The following USP24 variants were observed in gnomAD, a reference collection of about 807,000 sequenced individuals.
The protein encoded by USP24 is ubiquitin specific peptidase 24.
Under a neutral mutation model 361.6 loss-of-function variants are expected in USP24, and 97 were observed. The observed-to-expected ratio is 0.27, with a 90% confidence interval of 0.23 to 0.32. The LOEUF (loss-of-function observed/expected upper bound fraction) is 0.32, where lower values mean the gene tolerates loss of function less well. USP24 is among the 10% of genes least tolerant of loss of function. The pLI is 1.00. For missense variants in USP24, 2,353 were observed against 3,165.6 expected (o/e 0.74, Z 6.16); for synonymous variants, 1,098 against 1,124.6 (o/e 0.98, Z 0.47).
chr1:55,078,160 A>G (rs1199106251), intron 61 of USP24, among the ~76,000 whole-genome samples: 1 of 152,216 alleles, frequency 6.6e-6, no homozygotes, highest in African/African-American at 2.4e-5. Flanking sequence ...ACATAGTGGA[A>G]ATTCATATAA....
intron 1 of USP24, among the ~76,000 whole-genome samples, chr1:55,207,753 G>A (rs1355011072): frequency 2.0e-5 from 3 of 152,148 alleles, no homozygotes; most frequent in Admixed American, 6.5e-5. Context: ...CAACTGTATC[G>A]TATTGCTTAG....
chr1:55,151,435 C>T (rs981649848), intron 16 of USP24, among the ~76,000 whole-genome samples: 2 of 152,128 alleles, frequency 1.3e-5, no homozygotes. Context: ...TCAGCTATGG[C>T]TATGTAAGGC....
intron 45 of USP24, 87 bp from the exon 46 acceptor site, chr1:55,098,645 A>T: frequency 1.0e-6 from 1 of 969,184 alleles, no homozygotes; most frequent in Non-Finnish European, 1.6e-6. Context: ...CAATTTAAGG[A>T]CCAAAACAAA....
intron 16 of USP24, among the ~76,000 whole-genome samples, chr1:55,151,713 G>A (rs1647198252): frequency 6.6e-6 from 1 of 152,154 alleles, no homozygotes; most frequent in African/African-American, 2.4e-5. Context: ...AGCAGCAAAG[G>A]AAAGAGGACC....
chr1:55,174,251 G>A (rs1237939344), intron 3 of USP24, among the ~76,000 whole-genome samples: 5 of 152,102 alleles, frequency 3.3e-5, no homozygotes, highest in Non-Finnish European at 5.9e-5. Flanking sequence ...GGGGAATTGG[G>A]GAGAGGGATG....
rs1260263831 is a variant in USP24, at chr1:55,083,809, G to A, written c.6845C>T (p.Ala2282Val). The A allele has an allele frequency of 1.9e-6, 3 of 1,603,182 alleles. No individual in the cohort carries two copies. The Admixed American group carries it at 5.1e-5, about 27-fold the overall frequency. ...AGTGTTGAACAGGAAAAAGTACTGA[G>A]CACAGTTTTTACAATTTTCTGGGAC... Reference protein sequence around the residue: ...KDVPENCKNCAQYFFLFNTFV... With the variant: ...KDVPENCKNCVQYFFLFNTFV... The change falls in exon 57 of 68, where the codon GCT becomes GTT. Residue 2282 changes from alanine (A) to valine (V), a missense_variant. Ala to Val is a moderately conservative substitution (Grantham distance 64, BLOSUM62 0). Transcript: ENST00000294383.
intron 30 of USP24, among the ~76,000 whole-genome samples, chr1:55,133,492 T>G (rs1011824780): frequency 2.0e-5 from 3 of 152,152 alleles, no homozygotes; most frequent in Admixed American, 2.0e-4. Context: ...CTTCCTAATA[T>G]ATAACATGAG....
chr1:55,159,068 A>G, intron 9 of USP24, 32 bp from the exon 10 acceptor site: 1 of 1,422,350 alleles, frequency 7.0e-7, no homozygotes. Context: ...AAAACAAAAA[A>G]GGAACTGTAA....
intron 12 of USP24, among the ~76,000 whole-genome samples, chr1:55,156,437 G>A (rs1362375513): frequency 3.3e-5 from 5 of 151,490 alleles, no homozygotes; most frequent in Non-Finnish European, 5.9e-5. Context: ...GGGGACTCAA[G>A]GAGCAATGCT....
At chr1:55,157,094 A>G in intron 11 of USP24, 43 bp from the exon 12 acceptor site, 1 of 1,493,170 alleles carries the variant, frequency 6.7e-7, no homozygotes, top group East Asian at 2.3e-5. Context: ...TATAGTGAAC[A>G]CTGACTCTCT....
At chr1:55,082,188 G>C (rs1194271209) in intron 58 of USP24, among the ~76,000 whole-genome samples, 1 of 152,192 alleles carries the variant, frequency 6.6e-6, no homozygotes, top group Non-Finnish European at 1.5e-5. Flanking sequence ...CTCTGGCTTT[G>C]ACACCAGCAG....
chr1:55,123,208 G>C (rs55773934), intron 36 of USP24, among the ~76,000 whole-genome samples: 149 of 152,318 alleles, frequency 9.8e-4, no homozygotes, highest in Non-Finnish European at 1.8e-3. Flanking sequence ...CAAGCTCGTG[G>C]TGTGCAGACA....
At chr1:55,132,833 A>G (rs142669279) in intron 30 of USP24, 133 bp from the exon 31 acceptor site, 1 of 840,386 alleles carries the variant, frequency 1.2e-6, no homozygotes, top group Non-Finnish European at 1.7e-6. Flanking sequence ...CTAAAAATTA[A>G]CTTCATAAAA....
rs1296469248 is a variant in USP24 at position 55,214,955 on chromosome 1, G to A, written c.159C>T (p.Tyr53=). 7.0e-7 allele frequency: 1 copy of A among 1,422,804 alleles called. No homozygotes were observed. The highest frequency in any genetic ancestry group is 9.2e-7 in the Non-Finnish European group (1 of 1,082,714). The allele number at this position is 1,422,804 out of a possible 1,614,324, so 88.1% of individuals were successfully genotyped here. A position where few individuals can be genotyped will look rare whatever the true frequency, so the allele number is the denominator to read the frequency against. The change falls in exon 1 of 68, where the codon TAC becomes TAT. Residue 53 remains tyrosine, a synonymous_variant. Transcript: ENST00000294383. ...NERPGLDYGG[Y]EPMDSGGGPS... ...GGCCACCGCCGCTGTCCATGGGCTCGTAGCCGCCGTAGTCGAGGCCCGGCC... is the reference window on the plus strand; with the variant it reads ...GGCCACCGCCGCTGTCCATGGGCTCATAGCCGCCGTAGTCGAGGCCCGGCC...
At chr1:55,166,451 A>T in intron 6 of USP24, 117 bp downstream of exon 6, 1 of 986,480 alleles carries the variant, frequency 1.0e-6, no homozygotes, top group Non-Finnish European at 1.5e-6. Context: ...TCCACTCCTT[A>T]AAGCATTTTT....
intron 1 of USP24, among the ~76,000 whole-genome samples, chr1:55,214,107 C>CA (rs1267032482): frequency 6.6e-6 from 1 of 152,040 alleles, no homozygotes; most frequent in African/African-American, 2.4e-5. Flanking sequence ...TCTGCCCTCT[C>CA]AGTGCAATCC....
rs764212117 is a variant in USP24 at position 55,129,432 on chromosome 1, T to C, written c.3635+45A>G. 21 of 1,518,578 alleles carry C rather than the reference T, an allele frequency of 1.4e-5. No homozygotes were observed. In the African/African-American group the frequency reaches 2.6e-4, roughly 19 times the overall value. The allele number at this position is 1,518,578 out of a possible 1,614,324, so 94.1% of individuals were successfully genotyped here. A position where few individuals can be genotyped will look rare whatever the true frequency, so the allele number is the denominator to read the frequency against. ...CAGGGGAAATTAACTAAAATAACTATATTCATTTTCGGCAACTCATGTAAC... is the reference window on the plus strand; with the variant it reads ...CAGGGGAAATTAACTAAAATAACTACATTCATTTTCGGCAACTCATGTAAC... On this transcript the variant is annotated intron_variant, in intron 32 of 67. Coordinates refer to ENST00000294383, the MANE Select transcript of USP24 (RefSeq NM_015306.3).
rs774776274 is a variant in USP24 at position 55,092,806 on chromosome 1, CAGTT to C, written c.6450+11_6450+14del. ...TAACCCTTTCTTATTTCTAACAATC[CAGTT>C]AGTTACTTACAGCATTCAATGAAGC... On this transcript the variant is annotated intron_variant, in intron 53 of 67. Transcript: ENST00000294383. 29 of 1,507,276 alleles carry C rather than the reference CAGTT, an allele frequency of 1.9e-5. No homozygotes were observed. Among genetic ancestry groups the C allele is most frequent in the Non-Finnish European group, 2.4e-5 (26 of 1,102,402 alleles). The allele number at this position is 1,507,276 out of a possible 1,614,324, so 93.4% of individuals were successfully genotyped here.
At chr1:55,184,787 A>G (rs1232791585) in intron 1 of USP24, among the ~76,000 whole-genome samples, 1 of 152,214 alleles carries the variant, frequency 6.6e-6, no homozygotes, top group African/African-American at 2.4e-5. Context: ...GGAAAATTCA[A>G]AAATATGTGA....
Sources: allele counts gnomAD v4.1 joint callset (sites outside exome capture counted in the v4.1 genomes callset), GRCh38; gene constraint gnomAD v4.1.1; transcripts MANE v1.5; gene names NCBI Gene and HGNC (gene_info 2026-07-23, HGNC 2026-07-21).